Variants in PCDHA2 observed in about 807,000 individuals in gnomAD.
The protein encoded by PCDHA2 is protocadherin alpha 2, also known as protocadherin alpha-2.
Under a neutral mutation model 66.0 loss-of-function variants are expected in PCDHA2, and 58 were observed. The ratio of observed to expected loss-of-function variants is 0.88; its 90% CI spans 0.71 to 1.09. The LOEUF (loss-of-function observed/expected upper bound fraction) is 1.09. Ranked by LOEUF, PCDHA2 falls within the 50% of genes least tolerant of loss-of-function variation. The pLI is 0.00. For synonymous variants in PCDHA2, 634 were observed against 554.0 expected, an observed-to-expected ratio of 1.14 and a Z score of -2.03; for missense variants, 1,267 against 1,242.3, an observed-to-expected ratio of 1.02 and a Z score of -0.30.
At chr5:140,946,546 A>G (rs1418590491) in intron 1 of PCDHA2, among the ~76,000 whole-genome samples, 5 of 150,480 alleles carry the variant, frequency 3.3e-5, no homozygotes, top group Admixed American at 1.3e-4. Flanking sequence ...AGCATTATTC[A>G]TGATAGTTCA....
chr5:140,933,379 G>T (rs1403607512), intron 1 of PCDHA2, among the ~76,000 whole-genome samples: 1 of 151,928 alleles, frequency 6.6e-6, no homozygotes, highest in Non-Finnish European at 1.5e-5. Flanking sequence ...TTCCTTGGCT[G>T]TTCCTAGAGC....
intron 1 of PCDHA2, among the ~76,000 whole-genome samples, chr5:140,963,510 G>A (rs536524403): frequency 1.8e-4 from 28 of 152,328 alleles, no homozygotes; most frequent in Non-Finnish European, 2.8e-4. Flanking sequence ...TCTTGAAGGG[G>A]TTCTCATAAC....
chr5:140,968,526 C>G, intron 1 of PCDHA2: 3 of 1,614,200 alleles, frequency 1.9e-6, no homozygotes, highest in Middle Eastern at 1.6e-4. Context: ...TCAACCAACT[C>G]GTCAGCAGCC....
intron 3 of PCDHA2, among the ~76,000 whole-genome samples, chr5:141,007,967 G>A (rs1191510244): frequency 6.6e-6 from 1 of 152,176 alleles, no homozygotes; most frequent in Admixed American, 6.5e-5. Flanking sequence ...TTCTCTGGGT[G>A]TCTGTCATGT....
At chr5:140,968,909 G>T in intron 1 of PCDHA2, 1 of 1,614,172 alleles carries the variant, frequency 6.2e-7, no homozygotes, top group East Asian at 2.2e-5. Flanking sequence ...ATTAAGCACA[G>T]TGTCTTTTAT....
chr5:141,006,379 G>GT (rs2098271047), intron 3 of PCDHA2, among the ~76,000 whole-genome samples: 1 of 151,748 alleles, frequency 6.6e-6, no homozygotes, highest in South Asian at 2.1e-4. Flanking sequence ...GCCCGGCTAA[G>GT]TTTTTTCTAT....
At chr5:140,807,718 CT>C (rs1227381319) in intron 1 of PCDHA2, 1 of 1,614,230 alleles carries the variant, frequency 6.2e-7, no homozygotes, top group Non-Finnish European at 8.5e-7. Flanking sequence ...CAAATGAATA[CT>C]TTTCTCTGGA....
At chr5:140,925,641 T>TATAATAATAATAATA (rs10569930) in intron 1 of PCDHA2, among the ~76,000 whole-genome samples, 21 of 143,352 alleles carry the variant, frequency 1.5e-4, no homozygotes, top group East Asian at 6.1e-4. Context: ...GAACTTAAAG[T>TATAATAATAATAATA]ATAATAATAA....
At chr5:140,877,196 G>C (rs782703953) in intron 1 of PCDHA2, 1 of 1,613,808 alleles carries the variant, frequency 6.2e-7, no homozygotes, top group East Asian at 2.2e-5. Context: ...AGCGCAGGAG[G>C]CGCAGTTAGC....
intron 1 of PCDHA2, among the ~76,000 whole-genome samples, chr5:140,936,367 A>G (rs1347774517): frequency 2.0e-5 from 3 of 152,348 alleles, no homozygotes; most frequent in East Asian, 1.9e-4. Flanking sequence ...GCTACTGAGC[A>G]CTTGAAATGT....
At chr5:140,979,408 GT>G (rs558051720) in intron 2 of PCDHA2, among the ~76,000 whole-genome samples, 17 of 147,706 alleles carry the variant, frequency 1.2e-4, no homozygotes, top group East Asian at 4.0e-4. Flanking sequence ...TGTCTACCTT[GT>G]TTTTTTTTTA....
intron 1 of PCDHA2, among the ~76,000 whole-genome samples, chr5:140,894,634 T>C (rs1412183022): frequency 1.3e-5 from 2 of 151,970 alleles, no homozygotes; most frequent in Non-Finnish European, 2.9e-5. Flanking sequence ...TCCAATCATA[T>C]CATTACTGAG....
At chr5:140,875,241 A>G (rs1176870557) in intron 1 of PCDHA2, 27 of 935,126 alleles carry the variant, frequency 2.9e-5, no homozygotes, top group Non-Finnish European at 3.8e-5. Context: ...TTGTACTTAC[A>G]TAATCAGTCA....
chr5:140,859,050 C>T lies in PCDHA2; in HGVS notation c.2388+61698C>T, dbSNP rs1375477710. ...TGCTTTGAACTTTAAAAACGTTTTC[C>T]ATTTTTATTTTAGTTGTAGTGGTAC... On this transcript the variant is annotated intron_variant, in intron 1 of 3. Transcript: ENST00000526136. 1.3e-5 allele frequency: 2 copies of T among 150,490 alleles called. 1 individual carries two copies. The highest frequency in any genetic ancestry group is 3.0e-5 in the Non-Finnish European group (2 of 67,566). The allele number at this position is 150,490 out of a possible 1,614,324, so 9.3% of individuals were successfully genotyped here.
At position 140,803,106 on chromosome 5, in the gene PCDHA2, C is replaced by G. The variant is rs781825644; in HGVS notation, c.2388+5754C>G. Reference sequence around the variant, plus strand: ...GGGAGAGATCAGCACGACCCGTGCCCTGGACGAGGTGGACGCCCCGCGCCA... The same window carrying G: ...GGGAGAGATCAGCACGACCCGTGCCGTGGACGAGGTGGACGCCCCGCGCCA... On this transcript the variant is annotated intron_variant, in intron 1 of 3. Transcript: ENST00000526136. 3.7e-6 allele frequency: 6 copies of G among 1,613,860 alleles called. No individual in the cohort carries two copies. Among genetic ancestry groups the G allele is most frequent in the Non-Finnish European group, 5.1e-6 (6 of 1,179,950 alleles).
chr5:140,896,404 G>T (rs1003824556), intron 1 of PCDHA2, among the ~76,000 whole-genome samples: 4 of 151,996 alleles, frequency 2.6e-5, no homozygotes, highest in Admixed American at 2.6e-4. Context: ...TGTTATTTTT[G>T]ACTTTTTAGT....
intron 1 of PCDHA2, chr5:140,849,633 G>A: frequency 6.3e-7 from 1 of 1,598,806 alleles, no homozygotes; most frequent in African/African-American, 1.3e-5. Flanking sequence ...CCTAGACGCA[G>A]ATGCCAACGG....
intron 1 of PCDHA2, chr5:140,883,540 G>A (rs782359917): frequency 1.9e-6 from 3 of 1,614,222 alleles, no homozygotes; most frequent in Non-Finnish European, 2.5e-6. Context: ...ATGAACTGGT[G>A]GTGACCGCGC....
At chr5:140,882,891 A>G (rs782750187) in intron 1 of PCDHA2, 3 of 1,614,230 alleles carry the variant, frequency 1.9e-6, no homozygotes, top group Admixed American at 1.7e-5. Context: ...ATTCAGGAAC[A>G]TAGTTTATTA....
Sources: allele counts gnomAD v4.1 joint callset (sites outside exome capture counted in the v4.1 genomes callset), GRCh38; gene constraint gnomAD v4.1.1; transcripts MANE v1.5; gene names NCBI Gene and HGNC (gene_info 2026-07-23, HGNC 2026-07-21).